BARD1: variants seen among roughly 807,000 people sequenced by gnomAD.
BARD1 encodes BRCA1 associated RING domain 1, also known as BRCA1-associated RING domain protein 1.
In BARD1, 73 loss-of-function variants were observed where a neutral mutation model predicts 77.0. The observed-to-expected ratio is 0.95, with a 90% CI of 0.79 to 1.15. The LOEUF is 1.15. BARD1 is among the 50% of genes most tolerant of loss of function. BARD1 has a pLI of 0.00. For synonymous variants in BARD1, 384 were observed against 338.0 expected, an observed-to-expected ratio of 1.14 and a Z score of -1.49; for missense variants, 993 against 938.8, an observed-to-expected ratio of 1.06 and a Z score of -0.75.
chr2:214,787,285 TATAAATGA>T (rs1452307765), intron 3 of BARD1, among the ~76,000 whole-genome samples: 4 of 151,898 alleles, frequency 2.6e-5, no homozygotes, highest in Non-Finnish European at 5.9e-5. Flanking sequence ...TTTCCTACCT[TATAAATGA>T]GTAAATGAAG....
chr2:214,741,564 T>C (rs1003440149), intron 9 of BARD1, among the ~76,000 whole-genome samples: 6 of 152,136 alleles, frequency 3.9e-5, no homozygotes, highest in African/African-American at 7.2e-5. Flanking sequence ...ATCAACCTTG[T>C]ATGAGGGTGG....
chr2:214,751,109 GTGTGTGTGTATA>G (rs1279651941), intron 7 of BARD1, among the ~76,000 whole-genome samples: 110 of 10,186 alleles, frequency 0.011, no homozygotes, highest in African/African-American at 0.022. Flanking sequence ...GTGTGTGTGT[GTGTGTGTGTATA>G]TATATATATA....
intron 6 of BARD1, among the ~76,000 whole-genome samples, chr2:214,764,093 A>T (rs973350375): frequency 7.9e-5 from 12 of 152,234 alleles, no homozygotes; most frequent in Non-Finnish European, 1.8e-4. Flanking sequence ...CAGATATGGG[A>T]AACTTGGTTT....
intron 9 of BARD1, chr2:214,730,863 GT>G (rs2105991464): frequency 2.2e-6 from 1 of 459,156 alleles, no homozygotes; most frequent in African/African-American, 2.0e-5. Context: ...CAAAATTAAG[GT>G]GAATAAAAAG....
At chr2:214,755,555 G>T (rs1693655711) in intron 6 of BARD1, among the ~76,000 whole-genome samples, 1 of 152,160 alleles carries the variant, frequency 6.6e-6, no homozygotes, top group Non-Finnish European at 1.5e-5. Flanking sequence ...AACAAGTAAT[G>T]AGGTGAAATA....
At chr2:214,739,780 C>A (rs1331425022) in intron 9 of BARD1, among the ~76,000 whole-genome samples, 1 of 152,026 alleles carries the variant, frequency 6.6e-6, no homozygotes, top group African/African-American at 2.4e-5. Context: ...ATATAAATAT[C>A]ATTTAGCAAT....
chr2:214,740,195 T>A (rs994939494), intron 9 of BARD1, among the ~76,000 whole-genome samples: 3 of 152,050 alleles, frequency 2.0e-5, no homozygotes, highest in Admixed American at 6.5e-5. Flanking sequence ...AAAAATTCTG[T>A]TCTGATTAGG....
chr2:214,777,318 G>T (rs1462976706), intron 4 of BARD1, among the ~76,000 whole-genome samples: 4 of 152,134 alleles, frequency 2.6e-5, no homozygotes, highest in African/African-American at 9.7e-5. Context: ...GTAGTTTGGG[G>T]CAAGGTATTA....
At chr2:214,748,589 G>A (rs539765762) in intron 7 of BARD1, among the ~76,000 whole-genome samples, 1 of 152,144 alleles carries the variant, frequency 6.6e-6, no homozygotes, top group East Asian at 1.9e-4. Context: ...GTCTCAAAAT[G>A]AATGAATGAT....
chr2:214,775,849 T>C (rs983110855), intron 4 of BARD1, among the ~76,000 whole-genome samples: 1 of 152,242 alleles, frequency 6.6e-6, no homozygotes, highest in Non-Finnish European at 1.5e-5. Flanking sequence ...AATTAAACTC[T>C]TGAAAATATC....
chr2:214,729,131 A>C, intron 10 of BARD1, 123 bp from the exon 11 acceptor site: 2 of 1,170,180 alleles, frequency 1.7e-6, no homozygotes, highest in Non-Finnish European at 2.4e-6. Flanking sequence ...TTTGGAGGAG[A>C]AGCATTTCAG....
intron 6 of BARD1, among the ~76,000 whole-genome samples, chr2:214,756,758 A>AT (rs1559399027): frequency 6.6e-6 from 1 of 152,192 alleles, no homozygotes; most frequent in Non-Finnish European, 1.5e-5. Flanking sequence ...GTTCTCATTC[A>AT]TAAGTGGAAG....
At chr2:214,807,605 C>T (rs1386427494) in intron 1 of BARD1, among the ~76,000 whole-genome samples, 1 of 152,172 alleles carries the variant, frequency 6.6e-6, no homozygotes, top group Non-Finnish European at 1.5e-5. Flanking sequence ...TTATTGTCTG[C>T]TTTGTTCACT....
chr2:214,747,185 T>C (rs1042088004), intron 7 of BARD1, among the ~76,000 whole-genome samples: 22 of 152,136 alleles, frequency 1.4e-4, no homozygotes, highest in African/African-American at 4.3e-4. Flanking sequence ...AGAATGGCTA[T>C]CATTAAAAAG....
At chr2:214,751,097 GTGTGTGTGTGTGTGTGTGTGTATA>G (rs1474235995) in intron 7 of BARD1, among the ~76,000 whole-genome samples, 40 of 11,072 alleles carry the variant, frequency 3.6e-3, no homozygotes, top group African/African-American at 7.7e-3. Flanking sequence ...GTGTGTGTGT[GTGTGTGTGTGTGTGTGTGTGTATA>G]TATATATATA....
At chr2:214,741,514 C>T (rs74408458) in intron 9 of BARD1, among the ~76,000 whole-genome samples, 15 of 151,862 alleles carry the variant, frequency 9.9e-5, no homozygotes, top group Non-Finnish European at 1.9e-4. Flanking sequence ...TATTTATATA[C>T]CTTCTATTCT....
Position 214,754,989 on chromosome 2 carries a change from G to T in BARD1, c.1569-2434C>A, listed in dbSNP as rs77443970. 2.8e-3 allele frequency among the ~76,000 whole-genome samples: 420 copies of T among 152,274 alleles called. 3 individuals are homozygous for T. The highest frequency in any genetic ancestry group is 0.02 in the East Asian group (104 of 5,178). ...CATAGCAAGAGAAGATGGGGCATGT[G>T]TAAGATTTCTTATTATTTGGGCACA... is the stretch of plus-strand genomic sequence containing the variant. On this transcript the variant is annotated intron_variant, in intron 6 of 10. Coordinates refer to ENST00000260947, the MANE Select transcript of BARD1 (RefSeq NM_000465.4).
At chr2:214,769,395 C>G (rs1207565259) in intron 4 of BARD1, 83 bp from the exon 5 acceptor site, 15 of 1,045,712 alleles carry the variant, frequency 1.4e-5, no homozygotes, top group Non-Finnish European at 1.9e-5. Flanking sequence ...CTGCCTTCTT[C>G]AATATAAAGT....
At chr2:214,765,751 TACACAC>T (rs147394459) in intron 6 of BARD1, among the ~76,000 whole-genome samples, 9 of 150,238 alleles carry the variant, frequency 6.0e-5, no homozygotes, top group African/African-American at 2.0e-4. Context: ...CGCACGTGTG[TACACAC>T]ACACACACAC....
Sources: gnomAD v4.1 joint callset for allele counts (sites outside exome capture counted in the v4.1 genomes callset) on GRCh38, gnomAD v4.1.1 for gene constraint, MANE v1.5 for transcripts, NCBI Gene and HGNC (gene_info 2026-07-23, HGNC 2026-07-21) for gene names.